Variants in SNRPB2 observed in about 807,000 individuals in gnomAD.
The protein encoded by SNRPB2 is small nuclear ribonucleoprotein polypeptide B2.
Under a neutral mutation model 26.3 loss-of-function variants are expected in SNRPB2, and 16 were observed. That is an observed-to-expected ratio of 0.61 (90% CI 0.41 to 0.92). SNRPB2 has a LOEUF of 0.92. SNRPB2 is among the 40% of genes least tolerant of loss of function. The pLI is 0.00. For missense variants in SNRPB2, 179 were observed against 268.1 expected (o/e 0.67, Z 2.32); for synonymous variants, 75 against 89.0 (o/e 0.84, Z 0.88).
At chr20:16,738,443 C>CA (rs11292422) in intron 4 of SNRPB2, among the ~76,000 whole-genome samples, 1,538 of 78,534 alleles carry the variant, frequency 0.02, 13 homozygotes, top group Middle Eastern at 0.049. Flanking sequence ...GACTCCATCT[C>CA]AAAAAAAAAA....
intron 5 of SNRPB2, among the ~76,000 whole-genome samples, chr20:16,739,534 C>T (rs2122507356): frequency 6.6e-6 from 1 of 152,256 alleles, no homozygotes; most frequent in South Asian, 2.1e-4. Flanking sequence ...CTCTGTACCA[C>T]TGAGGTTTTT....
At chr20:16,737,485 G>A in intron 4 of SNRPB2, 84 bp downstream of exon 4, 1 of 1,303,242 alleles carries the variant, frequency 7.7e-7, no homozygotes, top group Non-Finnish European at 1.1e-6. Context: ...AATGATCTTA[G>A]GCTTGTCTGT....
chr20:16,732,595 T>G, intron 3 of SNRPB2: 1 of 268,248 alleles, frequency 3.7e-6, no homozygotes, highest in Non-Finnish European at 6.9e-6. Context: ...TCTCAAAAAG[T>G]TAGAAATTAA....
At chr20:16,734,419 G>A (rs56040744) in intron 3 of SNRPB2, among the ~76,000 whole-genome samples, 26,601 of 152,094 alleles carry the variant, frequency 0.17, 2,514 homozygotes, top group South Asian at 0.32. Flanking sequence ...ACTCAGAACA[G>A]AATTACTCTC....
Position 16,740,476 on chromosome 20 carries a change from G to A in SNRPB2, c.518+63G>A, listed in dbSNP as rs941764818. On this transcript the variant is annotated intron_variant, in intron 6 of 6. Transcript: ENST00000246071. ...TCCTCACAGGACAAGTAGTACTTCC[G>A]TGGGTTGAATCCATTTATCACACAG... is the stretch of plus-strand genomic sequence containing the variant. The A allele has an allele frequency of 2.0e-5, 31 of 1,589,544 alleles. No homozygotes were observed. The East Asian group carries it at 5.2e-4, about 26-fold the overall frequency.
chr20:16,730,662 T>C (rs937346343), intron 1 of SNRPB2: 6 of 152,248 alleles, frequency 3.9e-5, no homozygotes, highest in African/African-American at 1.4e-4. Context: ...GCTTGTAGGC[T>C]CTTCCCTTGT....
At chr20:16,736,670 G>C (rs1406702529) in intron 3 of SNRPB2, among the ~76,000 whole-genome samples, 2 of 152,224 alleles carry the variant, frequency 1.3e-5, no homozygotes, top group African/African-American at 2.4e-5. Flanking sequence ...TTTTTCACCA[G>C]CTCCCTCAAA....
chr20:16,734,950 G>A (rs983495357), intron 3 of SNRPB2, among the ~76,000 whole-genome samples: 6 of 152,218 alleles, frequency 3.9e-5, no homozygotes, highest in African/African-American at 1.4e-4. Context: ...CAAGTCAGAA[G>A]TTAGTCTAAC....
At chr20:16,730,414 G>A (rs2072381539) in intron 1 of SNRPB2, 1 of 152,302 alleles carries the variant, frequency 6.6e-6, no homozygotes, top group African/African-American at 2.4e-5. Context: ...CTCCCTTTTG[G>A]TGGTGGCGGG....
rs1259676241 is a variant in SNRPB2, at chr20:16,742,200, G to T, written c.*1195G>T. On this transcript the variant is annotated 3_prime_UTR_variant, in exon 7 of 7. Transcript: ENST00000246071. ...CCAGTAGTCAAGCTCCTGTACTTTT[G>T]TAAAATATATTAACAGTGAATTACT... The T allele has an allele frequency of 6.6e-6, 1 of 152,100 alleles. No individual in the cohort carries two copies. The highest frequency in any genetic ancestry group is 2.4e-5 in the African/African-American group (1 of 41,410). 9.4% of individuals were successfully genotyped at this position (152,100 alleles called of 1,614,324 possible).
intron 3 of SNRPB2, among the ~76,000 whole-genome samples, chr20:16,735,797 A>T (rs994492170): frequency 2.6e-5 from 4 of 152,222 alleles, no homozygotes; most frequent in African/African-American, 9.6e-5. Context: ...CTTTTAAAAC[A>T]TTTTAAAATT....
intron 4 of SNRPB2, among the ~76,000 whole-genome samples, chr20:16,738,038 C>CA (rs1042055719): frequency 0.052 from 2,846 of 55,140 alleles, 59 homozygotes; most frequent in Admixed American, 0.096. Context: ...GACTCTGTCT[C>CA]AAAAAAAAAA....
intron 4 of SNRPB2, 30 bp downstream of exon 4, chr20:16,737,431 T>G (rs2072433729): frequency 6.4e-7 from 1 of 1,561,300 alleles, no homozygotes; most frequent in East Asian, 2.3e-5. Context: ...TTCCTGTTTG[T>G]ATTGGTGTTA....
chr20:16,732,119 C>G, intron 2 of SNRPB2, 45 bp from the exon 3 acceptor site: 1 of 1,210,830 alleles, frequency 8.3e-7, no homozygotes. Flanking sequence ...AGACTTTTGT[C>G]ATTACTTTAT....
chr20:16,731,878 A>C, intron 2 of SNRPB2, 112 bp downstream of exon 2: 1 of 1,506,212 alleles, frequency 6.6e-7, no homozygotes, highest in Non-Finnish European at 8.9e-7. Context: ...GCCTGAAATA[A>C]TGGTTTATCC....
At chr20:16,740,675 A>C (rs1253162243) in intron 6 of SNRPB2, among the ~76,000 whole-genome samples, 171 bp from the exon 7 acceptor site, 1 of 152,230 alleles carries the variant, frequency 6.6e-6, no homozygotes, top group Non-Finnish European at 1.5e-5. Context: ...TTATTCTTGC[A>C]GTTCTTCCAT....
chr20:16,741,942 T>C lies in SNRPB2; in HGVS notation c.*937T>C, dbSNP rs988552632. ...TTTGTTTTTACAAGTATGGTACATATTAATAGTAACAACAACAAAAAAGAA... is the reference window on the plus strand; with the variant it reads ...TTTGTTTTTACAAGTATGGTACATACTAATAGTAACAACAACAAAAAAGAA... On this transcript the variant is annotated 3_prime_UTR_variant, in exon 7 of 7. Transcript: ENST00000246071. 4.6e-5 allele frequency: 7 copies of C among 152,222 alleles called. No individual in the cohort carries two copies. Among genetic ancestry groups the C allele is most frequent in the Non-Finnish European group, 1.0e-4 (7 of 68,036 alleles). 9.4% of individuals were successfully genotyped at this position (152,222 alleles called of 1,614,324 possible).
At chr20:16,732,079 G>C in intron 2 of SNRPB2, 85 bp from the exon 3 acceptor site, 1 of 777,796 alleles carries the variant, frequency 1.3e-6, no homozygotes. Flanking sequence ...AATGGTGGGG[G>C]GGGCAACTCA....
rs34341742 is a variant in SNRPB2, at chr20:16,741,729, TC to T, written c.*729del. 1 of 152,176 alleles carries T rather than the reference TC, an allele frequency of 6.6e-6. No individual in the cohort carries two copies. Among genetic ancestry groups the T allele is most frequent in the Non-Finnish European group, 1.5e-5 (1 of 68,014 alleles). 9.4% of individuals were successfully genotyped at this position (152,176 alleles called of 1,614,324 possible). A position where few individuals can be genotyped will look rare whatever the true frequency, so the allele number is the denominator to read the frequency against. On this transcript the variant is annotated 3_prime_UTR_variant, in exon 7 of 7. Transcript: ENST00000246071. ...AAATTTTTTGATCTATAGTCTCTTT[TC>T]CCCCTTAAGACAAATAGACTGATTA...
Sources: gnomAD v4.1 joint callset for allele counts (sites outside exome capture counted in the v4.1 genomes callset) on GRCh38, gnomAD v4.1.1 for gene constraint, MANE v1.5 for transcripts, NCBI Gene and HGNC (gene_info 2026-07-23, HGNC 2026-07-21) for gene names.